The following SV2B variants were observed in gnomAD, a reference collection of about 807,000 sequenced individuals.
SV2B encodes synaptic vesicle glycoprotein 2B.
SV2B carries 41 observed loss-of-function variants against 73.9 expected under a neutral mutation model. That is an observed-to-expected ratio of 0.56 (90% CI 0.43 to 0.72). The LOEUF (loss-of-function observed/expected upper bound fraction) is 0.72. Among genes scored for constraint, SV2B ranks in the 30% least tolerant of loss-of-function variants. The pLI, the probability that SV2B is intolerant of heterozygous loss-of-function variation, is 0.00. For missense variants in SV2B, 764 were observed against 857.8 expected (o/e 0.89, Z 1.37); for synonymous variants, 314 against 314.2 (o/e 1.00, Z 0.01).
At chr15:91,217,208 A>C (rs2046062705) in intron 1 of SV2B, among the ~76,000 whole-genome samples, 1 of 152,166 alleles carries the variant, frequency 6.6e-6, no homozygotes, top group African/African-American at 2.4e-5. Flanking sequence ...TCATTAAGCA[A>C]ACATTTTTTG....
chr15:91,120,387 C>T (rs893665236), intron 1 of SV2B, among the ~76,000 whole-genome samples: 11 of 152,160 alleles, frequency 7.2e-5, no homozygotes, highest in Admixed American at 6.5e-4. Flanking sequence ...GGAAATCTGC[C>T]TCCGTAATCT....
chr15:91,185,470 A>T (rs929374390), intron 1 of SV2B, among the ~76,000 whole-genome samples: 1 of 152,162 alleles, frequency 6.6e-6, no homozygotes, highest in Non-Finnish European at 1.5e-5. Context: ...TCTCCATCAC[A>T]TTGATGAGAA....
At chr15:91,251,197 G>A (rs1191157776) in intron 2 of SV2B, among the ~76,000 whole-genome samples, 1 of 152,198 alleles carries the variant, frequency 6.6e-6, no homozygotes, top group Admixed American at 6.5e-5. Flanking sequence ...ACACACCATA[G>A]GGGGAAAAAC....
intron 1 of SV2B, among the ~76,000 whole-genome samples, chr15:91,213,531 C>T (rs989385900): frequency 5.3e-5 from 8 of 151,784 alleles, no homozygotes; most frequent in African/African-American, 1.9e-4. Context: ...CAACTCAGAA[C>T]GTGCTACTTT....
At chr15:91,180,944 G>A (rs1375096565) in intron 1 of SV2B, among the ~76,000 whole-genome samples, 1 of 152,212 alleles carries the variant, frequency 6.6e-6, no homozygotes, top group Admixed American at 6.5e-5. Flanking sequence ...GAGGAACTGC[G>A]TTCCTTTGGA....
chr15:91,199,976 C>T (rs557368968), intron 1 of SV2B, among the ~76,000 whole-genome samples: 5 of 152,324 alleles, frequency 3.3e-5, no homozygotes, highest in African/African-American at 1.2e-4. Flanking sequence ...CAAGCTCCTA[C>T]AGCTCAGGGC....
In SV2B at chr15:91,295,904, G is replaced by A. The variant is rs1369229628; in HGVS notation, c.*3352G>A. 3.3e-5 allele frequency: 5 copies of A among 152,138 alleles called. No homozygotes were observed. Among genetic ancestry groups the A allele is most frequent in the East Asian group, 1.9e-4 (1 of 5,208 alleles). The allele number at this position is 152,138 out of a possible 1,614,324, so 9.4% of individuals were successfully genotyped here. A position where few individuals can be genotyped will look rare whatever the true frequency, so the allele number is the denominator to read the frequency against. On this transcript the variant is annotated 3_prime_UTR_variant, in exon 13 of 13. Coordinates refer to ENST00000394232, the MANE Select transcript of SV2B (RefSeq NM_001323032.3). ...CTGCCTCATTCCACTTGCAGTGAGC[G>A]GATATTAAATTGGCCATAAACACCG... is the stretch of plus-strand genomic sequence containing the variant.
chr15:91,157,908 C>T (rs1269151825), intron 1 of SV2B, among the ~76,000 whole-genome samples: 3 of 152,214 alleles, frequency 2.0e-5, no homozygotes, highest in African/African-American at 7.2e-5. Context: ...TTCTTAGCTC[C>T]ACCTAGAGAG....
chr15:91,221,205 G>A (rs780514072), intron 1 of SV2B, among the ~76,000 whole-genome samples: 18 of 152,164 alleles, frequency 1.2e-4, no homozygotes, highest in African/African-American at 2.7e-4. Flanking sequence ...CTATTAGATC[G>A]GATTTAAATT....
In SV2B at chr15:91,121,194, G is replaced by A. The variant is rs1176942243; in HGVS notation, c.-392+20831G>A. Reference sequence around the variant, plus strand: ...AGGCTAACTTTGCTTGAAGTTTAGTGAGCACCGCTGATTTCGAGTCAAAGT... The same window carrying A: ...AGGCTAACTTTGCTTGAAGTTTAGTAAGCACCGCTGATTTCGAGTCAAAGT... On this transcript the variant is annotated intron_variant, in intron 1 of 12. Coordinates refer to ENST00000394232, the MANE Select transcript of SV2B (RefSeq NM_001323032.3). The surrounding 1 kb of genome is among the most constrained non-coding windows in gnomAD (Gnocchi z 4.4). 6.6e-6 allele frequency among the ~76,000 whole-genome samples: 1 copy of A among 151,988 alleles called. No homozygotes were observed. The highest frequency in any genetic ancestry group is 1.5e-5 in the Non-Finnish European group (1 of 68,008).
chr15:91,108,622 A>C (rs1382046891), intron 1 of SV2B, among the ~76,000 whole-genome samples: 1 of 152,202 alleles, frequency 6.6e-6, no homozygotes, highest in East Asian at 1.9e-4. Context: ...TCAGCAGGTA[A>C]GTGACAGTGA....
chr15:91,184,753 A>T (rs1026483864), intron 1 of SV2B, among the ~76,000 whole-genome samples: 1 of 152,142 alleles, frequency 6.6e-6, no homozygotes, highest in Non-Finnish European at 1.5e-5. Context: ...TCACCACTTT[A>T]TTCAGAATTC....
chr15:91,142,294 T>G (rs2043019724), intron 1 of SV2B, among the ~76,000 whole-genome samples: 1 of 152,184 alleles, frequency 6.6e-6, no homozygotes, highest in Non-Finnish European at 1.5e-5. Flanking sequence ...TTTGCTACCT[T>G]TTCACTTGCT....
rs76589609 is a variant in SV2B, at chr15:91,129,124, A to G, written c.-392+28761A>G. On this transcript the variant is annotated intron_variant, in intron 1 of 12. Transcript: ENST00000394232. This position sits in a 1 kb window ranked among gnomAD's most constrained non-coding sequence, Gnocchi z 5.1. ...GCTGCCTTTCAAACAGGAGTGAAAT[A>G]ATCCCAGCGACAGCGTATGTGTGAG... Among the ~76,000 whole-genome samples, 1,108 of 152,302 alleles carry G rather than the reference A, an allele frequency of 7.3e-3. 10 individuals carry two copies. The highest frequency in any genetic ancestry group is 0.026 in the African/African-American group (1,061 of 41,562).
In SV2B at chr15:91,118,327, G is replaced by C. The variant is rs1330397626; in HGVS notation, c.-392+17964G>C. ...TGGAGTTTGGGGCATAGAAGACATAGAGCCTGGTGCCTCTTCTAGTCTGGA... is the reference window on the plus strand; with the variant it reads ...TGGAGTTTGGGGCATAGAAGACATACAGCCTGGTGCCTCTTCTAGTCTGGA... On this transcript the variant is annotated intron_variant, in intron 1 of 12. Transcript: ENST00000394232. This position sits in a 1 kb window ranked among gnomAD's most constrained non-coding sequence, Gnocchi z 4.7. 2.0e-5 allele frequency among the ~76,000 whole-genome samples: 3 copies of C among 152,238 alleles called. No individual in the cohort carries two copies. The highest frequency in any genetic ancestry group is 1.9e-4 in the East Asian group (1 of 5,200).
chr15:91,227,517 CTA>C lies in SV2B; in HGVS notation c.451+805_451+806del, dbSNP rs2046423597. On this transcript the variant is annotated intron_variant, in intron 2 of 12. Coordinates refer to ENST00000394232, the MANE Select transcript of SV2B (RefSeq NM_001323032.3). This position sits in a 1 kb window ranked among gnomAD's most constrained non-coding sequence, Gnocchi z 4.5. ...TGTATCTACCCTCTAAATTTAGAGT[CTA>C]TGAAATTAATTGTGCAGCAAACATG... Among the ~76,000 whole-genome samples, 1 of 152,186 alleles carries C rather than the reference CTA, an allele frequency of 6.6e-6. No homozygotes were observed. Among genetic ancestry groups the C allele is most frequent in the South Asian group, 2.1e-4 (1 of 4,836 alleles).
intron 1 of SV2B, among the ~76,000 whole-genome samples, chr15:91,149,804 A>G (rs981740016): frequency 1.3e-5 from 2 of 152,110 alleles, no homozygotes; most frequent in Non-Finnish European, 2.9e-5. Flanking sequence ...TAAAACTGGT[A>G]CCTGTTCCAT....
intron 1 of SV2B, among the ~76,000 whole-genome samples, chr15:91,183,311 C>T (rs1449669764): frequency 6.6e-6 from 1 of 152,132 alleles, no homozygotes; most frequent in African/African-American, 2.4e-5. Flanking sequence ...CAGATACTTC[C>T]CTTTGACTTT....
chr15:91,202,626 T>C (rs1482556293), intron 1 of SV2B, among the ~76,000 whole-genome samples: 2 of 152,190 alleles, frequency 1.3e-5, no homozygotes, highest in Non-Finnish European at 2.9e-5. Context: ...CTGGGTTCCC[T>C]GGGAAGCAGA....
Sources: allele counts gnomAD v4.1 joint callset (sites outside exome capture counted in the v4.1 genomes callset), GRCh38; gene constraint gnomAD v4.1.1; non-coding constraint Gnocchi (gnomAD v3.1); transcripts MANE v1.5; gene names NCBI Gene and HGNC (gene_info 2026-07-23, HGNC 2026-07-21).